The following CACNA1C variants were observed in gnomAD, a reference collection of about 807,000 sequenced individuals.
The protein encoded by CACNA1C is calcium voltage-gated channel subunit alpha1 C, also known as voltage-dependent L-type calcium channel subunit alpha-1C.
In CACNA1C, 30 loss-of-function variants were observed where a neutral mutation model predicts 229.0. The observed-to-expected ratio is 0.13, with a 90% CI of 0.10 to 0.18. The LOEUF (loss-of-function observed/expected upper bound fraction) is 0.18, where lower values mean the gene tolerates loss of function less well. Ranked by LOEUF, CACNA1C falls within the 10% of genes least tolerant of loss-of-function variation. The probability of loss-of-function intolerance (pLI) is 1.00; values close to 1 mark genes in which losing one functional copy is unlikely to be tolerated. For synonymous variants in CACNA1C, 1,114 were observed against 1,132.5 expected (o/e 0.98, Z 0.33); for missense variants, 1,658 against 2,845.0 (o/e 0.58, Z 9.49).
rs116152287 is a variant in CACNA1C at position 2,157,317 on chromosome 12, C to T, written c.477+36887C>T. Among the ~76,000 whole-genome samples the T allele has an allele frequency of 4.2e-3, 639 of 152,342 alleles. 2 individuals are homozygous for T. Among genetic ancestry groups the T allele is most frequent in the African/African-American group, 0.014 (596 of 41,592 alleles). On this transcript the variant is annotated intron_variant, in intron 3 of 46. Transcript: ENST00000399655. ...AAATTAATTAGACCTCAGACCCCTA[C>T]TCCTATTCTCAGCAACTAATACTCT... is the stretch of plus-strand genomic sequence containing the variant.
At chr12:2,242,233 G>C (rs1187739157) in intron 3 of CACNA1C, among the ~76,000 whole-genome samples, 5 of 152,186 alleles carry the variant, frequency 3.3e-5, no homozygotes, top group Non-Finnish European at 1.5e-5. Flanking sequence ...AAATCTTGCT[G>C]AAATAAGCAA....
chr12:2,037,762 G>C (rs1427386212), intron 1 of CACNA1C, among the ~76,000 whole-genome samples: 4 of 152,156 alleles, frequency 2.6e-5, no homozygotes, highest in Non-Finnish European at 5.9e-5. Context: ...GCATGGTCTG[G>C]GGTAGAGCAG....
chr12:2,374,800 A>G (rs1386762005), intron 3 of CACNA1C, among the ~76,000 whole-genome samples: 3 of 152,236 alleles, frequency 2.0e-5, no homozygotes, highest in Non-Finnish European at 2.9e-5. Context: ...TCCCTGCTGC[A>G]TCCAACCAGC....
chr12:2,351,207 A>T (rs1030310724), intron 3 of CACNA1C, among the ~76,000 whole-genome samples: 15 of 152,188 alleles, frequency 9.9e-5, no homozygotes, highest in African/African-American at 3.6e-4. Flanking sequence ...ACTGGGTACC[A>T]GTAGCAGTCA....
At chr12:2,331,065 A>G (rs777485979) in intron 3 of CACNA1C, among the ~76,000 whole-genome samples, 5 of 152,222 alleles carry the variant, frequency 3.3e-5, no homozygotes, top group Non-Finnish European at 7.3e-5. Flanking sequence ...TAATATCCAT[A>G]TTTAAATATG....
intron 3 of CACNA1C, among the ~76,000 whole-genome samples, chr12:2,349,111 T>C (rs1036167571): frequency 5.3e-5 from 8 of 152,154 alleles, no homozygotes; most frequent in Admixed American, 1.3e-4. Context: ...TAATAGAGGA[T>C]GGTGACCTGC....
chr12:2,611,836 C>A, intron 28 of CACNA1C, 67 bp from the exon 29 acceptor site: 3 of 1,013,154 alleles, frequency 3.0e-6, no homozygotes, highest in African/African-American at 1.6e-5. Flanking sequence ...GAAGGCTGGG[C>A]AAAAGGTGGG....
chr12:2,307,539 C>T (rs548319488), intron 3 of CACNA1C, among the ~76,000 whole-genome samples: 28 of 152,302 alleles, frequency 1.8e-4, no homozygotes, highest in African/African-American at 6.3e-4. Context: ...TGGCCTTTAA[C>T]TATGGTTCTT....
intron 1 of CACNA1C, chr12:2,004,145 G>A (rs962300744): frequency 3.5e-6 from 4 of 1,136,832 alleles, no homozygotes; most frequent in Non-Finnish European, 4.7e-6. Flanking sequence ...CCACAACTTC[G>A]GCCTCAGTCC....
At chr12:2,470,322 A>G (rs1365949462) in intron 5 of CACNA1C, among the ~76,000 whole-genome samples, 2 of 152,202 alleles carry the variant, frequency 1.3e-5, no homozygotes, top group East Asian at 1.9e-4. Flanking sequence ...ATGAAATCAC[A>G]GACAAGGTGA....
intron 3 of CACNA1C, among the ~76,000 whole-genome samples, chr12:2,417,815 T>C (rs944974706): frequency 1.3e-5 from 2 of 152,052 alleles, no homozygotes; most frequent in African/African-American, 4.8e-5. Flanking sequence ...TGTGCTCCAA[T>C]TCCCCCCTGC....
Position 2,605,194 on chromosome 12 carries a change from T to C in CACNA1C, c.3048+26T>C, listed in dbSNP as rs771082083. On this transcript the variant is annotated intron_variant, in intron 23 of 46. Coordinates refer to ENST00000399655, the MANE Select transcript of CACNA1C (RefSeq NM_000719.7). This position sits in a 1 kb window ranked among gnomAD's most constrained non-coding sequence, Gnocchi z 6.2. Reference sequence around the variant, plus strand: ...GTGAGTTGAGGGCTTGGGTAGGGAGTCTCCAGCCAGCCCATTGGGGAGTGG... The same window carrying C: ...GTGAGTTGAGGGCTTGGGTAGGGAGCCTCCAGCCAGCCCATTGGGGAGTGG... 9 of 1,505,610 alleles carry C rather than the reference T, an allele frequency of 6.0e-6. No individual in the cohort carries two copies. The East Asian group carries it at 1.8e-4, about 30-fold the overall frequency. 93.3% of individuals were successfully genotyped at this position (1,505,610 alleles called of 1,614,324 possible).
chr12:2,025,721 G>A (rs1327092502), intron 1 of CACNA1C, among the ~76,000 whole-genome samples: 1 of 152,054 alleles, frequency 6.6e-6, no homozygotes, highest in African/African-American at 2.4e-5. Flanking sequence ...TTATTACCTT[G>A]TCAATTCTCC....
chr12:2,424,683 A>G (rs531710486), intron 3 of CACNA1C, among the ~76,000 whole-genome samples: 1 of 152,286 alleles, frequency 6.6e-6, no homozygotes, highest in East Asian at 1.9e-4. Context: ...CAGCAGCTCC[A>G]GGACCCTTCT....
chr12:2,449,401 T>C lies in CACNA1C; in HGVS notation c.617+286T>C, dbSNP rs4765682. On this transcript the variant is annotated intron_variant, in intron 4 of 46. Coordinates refer to ENST00000399655, the MANE Select transcript of CACNA1C (RefSeq NM_000719.7). ...GGGTCAGGCTTCTCCCTGCTGCAGT[T>C]GGTGGCGTGAACTTCCGTGGTTCCA... 0.41 allele frequency among the ~76,000 whole-genome samples: 62,568 copies of C among 152,052 alleles called. 13,845 individuals are homozygous for C. The highest frequency in any genetic ancestry group is 0.57 in the African/African-American group (23,654 of 41,452).
chr12:2,395,795 C>G (rs1466338808), intron 3 of CACNA1C, among the ~76,000 whole-genome samples: 11 of 152,352 alleles, frequency 7.2e-5, no homozygotes, highest in Non-Finnish European at 5.9e-5. Flanking sequence ...CCGACTTTCT[C>G]TTTTGCATTG....
At position 2,584,637 on chromosome 12, in the gene CACNA1C, C is replaced by A. The variant is rs201164691; in HGVS notation, c.2339+20C>A. 1,450 of 1,529,346 alleles carry A rather than the reference C, an allele frequency of 9.5e-4. 34 individuals carry two copies. In the South Asian group the frequency reaches 0.016, roughly 16 times the overall value. 94.7% of individuals were successfully genotyped at this position (1,529,346 alleles called of 1,614,324 possible). A position where few individuals can be genotyped will look rare whatever the true frequency, so the allele number is the denominator to read the frequency against. On this transcript the variant is annotated intron_variant, in intron 16 of 46. Coordinates refer to ENST00000399655, the MANE Select transcript of CACNA1C (RefSeq NM_000719.7). Reference sequence around the variant, plus strand: ...GGCCAGGTAACCCTCTAAGCTTGCCCAGGCCTGGGGCTCCAGGGCTCCCAT... The same window carrying A: ...GGCCAGGTAACCCTCTAAGCTTGCCAAGGCCTGGGGCTCCAGGGCTCCCAT...
chr12:2,559,024 A>T (rs1002020096), intron 11 of CACNA1C, among the ~76,000 whole-genome samples: 2 of 152,206 alleles, frequency 1.3e-5, no homozygotes, highest in Admixed American at 6.5e-5. Context: ...GCTGGTACAT[A>T]ACAAGAACCT....
chr12:2,335,303 C>T (rs1010662066), intron 3 of CACNA1C, among the ~76,000 whole-genome samples: 4 of 152,172 alleles, frequency 2.6e-5, no homozygotes, highest in African/African-American at 9.7e-5. Flanking sequence ...CTCCCACCTT[C>T]CGGAAGTCAC....
Sources: allele counts gnomAD v4.1 joint callset (sites outside exome capture counted in the v4.1 genomes callset), GRCh38; gene constraint gnomAD v4.1.1; non-coding constraint Gnocchi (gnomAD v3.1); transcripts MANE v1.5; gene names NCBI Gene and HGNC (gene_info 2026-07-23, HGNC 2026-07-21).